Variants in JAZF1 observed in about 807,000 individuals in gnomAD.
JAZF1 encodes the protein juxtaposed with another zinc finger protein 1.
JAZF1 carries 8 observed loss-of-function variants against 26.4 expected under a neutral mutation model. The ratio of observed to expected loss-of-function variants is 0.30; its 90% CI spans 0.18 to 0.55. The LOEUF is 0.55. Ranked by LOEUF, JAZF1 falls within the 20% of genes least tolerant of loss-of-function variation. The probability of loss-of-function intolerance (pLI) is 0.94; values close to 1 mark genes in which losing one functional copy is unlikely to be tolerated. For synonymous variants in JAZF1, 126 were observed against 122.3 expected (o/e 1.03, Z -0.20); for missense variants, 199 against 322.0 (o/e 0.62, Z 2.92).
At chr7:28,130,867 T>C (rs1035712515) in intron 1 of JAZF1, among the ~76,000 whole-genome samples, 1 of 152,200 alleles carries the variant, frequency 6.6e-6, no homozygotes, top group Non-Finnish European at 1.5e-5. Flanking sequence ...TGTATGTGTG[T>C]TGGGCCAAAG....
intron 1 of JAZF1, among the ~76,000 whole-genome samples, chr7:28,173,944 C>T (rs1783511471): frequency 6.8e-6 from 1 of 146,178 alleles, no homozygotes; most frequent in Admixed American, 6.8e-5. Context: ...GTGCTTACAG[C>T]GAGGGGAAAA....
At position 27,998,303 on chromosome 7, in the gene JAZF1, A is replaced by G. The variant is rs183651040; in HGVS notation, c.116-6322T>C. Among the ~76,000 whole-genome samples, 103 of 152,298 alleles carry G rather than the reference A, an allele frequency of 6.8e-4. 1 individual carries two copies. The highest frequency in any genetic ancestry group is 2.5e-3 in the African/African-American group (102 of 41,568). On this transcript the variant is annotated intron_variant, in intron 1 of 4. Coordinates refer to ENST00000283928, the MANE Select transcript of JAZF1 (RefSeq NM_175061.4). The stretch of plus-strand genomic sequence containing the variant: ...TTCTAACACTGGACTCTGTATAGAT[A>G]ATCTTTTTTATACTTTCTTAAAAGC...
At chr7:28,078,990 A>ATT (rs113270032) in intron 1 of JAZF1, among the ~76,000 whole-genome samples, 13 of 140,876 alleles carry the variant, frequency 9.2e-5, no homozygotes, top group South Asian at 2.3e-4. Context: ...AATGCCCATA[A>ATT]TTTTTTTTTT....
chr7:28,032,005 G>A (rs778704001), intron 1 of JAZF1, among the ~76,000 whole-genome samples: 12 of 152,196 alleles, frequency 7.9e-5, no homozygotes, highest in East Asian at 5.8e-4. Context: ...TTCTTTCTGC[G>A]TGTGGGAGGC....
intron 3 of JAZF1, among the ~76,000 whole-genome samples, chr7:27,847,552 G>C (rs1277453081): frequency 6.6e-6 from 1 of 152,116 alleles, no homozygotes; most frequent in East Asian, 1.9e-4. Flanking sequence ...TTTCCCCATT[G>C]TGTTCCCTCT....
chr7:28,151,750 C>T (rs1783114780), intron 1 of JAZF1, among the ~76,000 whole-genome samples: 1 of 151,712 alleles, frequency 6.6e-6, no homozygotes, highest in Admixed American at 6.6e-5. Flanking sequence ...GAGATCATGC[C>T]ATTGCACTCC....
chr7:28,034,469 T>C (rs370997534), intron 1 of JAZF1, among the ~76,000 whole-genome samples: 3 of 145,290 alleles, frequency 2.1e-5, no homozygotes, highest in African/African-American at 2.5e-5. Context: ...AGAAAACTAA[T>C]ACACACACAC....
intron 1 of JAZF1, among the ~76,000 whole-genome samples, chr7:28,002,354 G>T (rs1448963516): frequency 6.6e-6 from 1 of 152,128 alleles, no homozygotes; most frequent in East Asian, 1.9e-4. Flanking sequence ...AATAAAAATT[G>T]GCCCTGAGTT....
intron 1 of JAZF1, among the ~76,000 whole-genome samples, chr7:28,119,946 A>G (rs1366614410): frequency 4.6e-5 from 7 of 152,168 alleles, no homozygotes; most frequent in South Asian, 2.1e-4. Flanking sequence ...GATACATTCA[A>G]TGATGCCTAA....
intron 1 of JAZF1, among the ~76,000 whole-genome samples, chr7:28,157,206 G>C (rs1783199275): frequency 6.6e-6 from 1 of 152,200 alleles, no homozygotes; most frequent in Admixed American, 6.5e-5. Flanking sequence ...AGCTAGGTGT[G>C]CCCACTAAGT....
intron 2 of JAZF1, among the ~76,000 whole-genome samples, chr7:27,944,345 C>T (rs1427436650): frequency 6.6e-6 from 1 of 152,330 alleles, no homozygotes; most frequent in Non-Finnish European, 1.5e-5. Flanking sequence ...TAATGGCCTT[C>T]GCTTGCTTGC....
chr7:28,031,567 C>A (rs1343344728), intron 1 of JAZF1, among the ~76,000 whole-genome samples: 3 of 152,160 alleles, frequency 2.0e-5, no homozygotes, highest in Non-Finnish European at 4.4e-5. Context: ...TGTACATGTA[C>A]GTTTGTGTAT....
intron 1 of JAZF1, among the ~76,000 whole-genome samples, chr7:28,001,283 T>TA (rs1217398989): frequency 6.6e-6 from 1 of 151,816 alleles, no homozygotes; most frequent in African/African-American, 2.4e-5. Context: ...ACACGGGAGA[T>TA]AGAGGTTGCA....
At chr7:27,990,441 AAG>A (rs201380117) in intron 2 of JAZF1, among the ~76,000 whole-genome samples, 68 of 125,368 alleles carry the variant, frequency 5.4e-4, no homozygotes, top group Middle Eastern at 4.8e-3. Flanking sequence ...AAAAAAAAAA[AAG>A]GAACTCCTAT....
chr7:27,978,490 C>T (rs941402965), intron 2 of JAZF1, among the ~76,000 whole-genome samples: 1 of 151,996 alleles, frequency 6.6e-6, no homozygotes, highest in African/African-American at 2.4e-5. Context: ...CTTGTTTTTC[C>T]CAGACGATGA....
intron 1 of JAZF1, among the ~76,000 whole-genome samples, chr7:28,138,758 C>T (rs575981623): frequency 1.3e-5 from 2 of 152,298 alleles, no homozygotes; most frequent in South Asian, 2.1e-4. Flanking sequence ...CTGTAGACGT[C>T]GAGTGCTGGA....
At chr7:28,158,184 C>CAGAGAGAG (rs769527451) in intron 1 of JAZF1, among the ~76,000 whole-genome samples, 3 of 105,418 alleles carry the variant, frequency 2.8e-5, no homozygotes, top group African/African-American at 9.6e-5. Flanking sequence ...CACACACACA[C>CAGAGAGAG]ACAGAGAGAG....
chr7:28,049,861 A>C (rs1360699717), intron 1 of JAZF1, among the ~76,000 whole-genome samples: 1 of 152,098 alleles, frequency 6.6e-6, no homozygotes, highest in Non-Finnish European at 1.5e-5. Context: ...CCATCCCAGC[A>C]CCTTTCTATG....
intron 1 of JAZF1, among the ~76,000 whole-genome samples, chr7:28,045,551 T>C (rs1783481671): frequency 6.6e-6 from 1 of 152,130 alleles, no homozygotes. Context: ...AATGAGTGTG[T>C]GGATTAGAAG....
Sources: allele counts gnomAD v4.1 joint callset (sites outside exome capture counted in the v4.1 genomes callset), GRCh38; gene constraint gnomAD v4.1.1; transcripts MANE v1.5; gene names NCBI Gene and HGNC (gene_info 2026-07-23, HGNC 2026-07-21).